The following RNF10 variants were observed in gnomAD, a reference collection of about 807,000 sequenced individuals.
RNF10 encodes E3 ubiquitin-protein ligase RNF10.
A neutral mutation model predicts 91.4 loss-of-function variants in RNF10; 38 were observed. The observed-to-expected ratio is 0.42, with a 90% confidence interval of 0.32 to 0.54. RNF10 has a LOEUF of 0.54. Among genes scored for constraint, RNF10 ranks in the 20% least tolerant of loss-of-function variants. The pLI is 0.16. For synonymous variants in RNF10, 364 were observed against 366.3 expected, an observed-to-expected ratio of 0.99 and a Z score of 0.07; for missense variants, 945 against 1,012.0, an observed-to-expected ratio of 0.93 and a Z score of 0.90.
At chr12:120,561,728 T>C (rs1714287144) in intron 7 of RNF10, among the ~76,000 whole-genome samples, 1 of 152,242 alleles carries the variant, frequency 6.6e-6, no homozygotes, top group African/African-American at 2.4e-5. Flanking sequence ...CCCTTCTCCC[T>C]GACTCCCAAG....
At chr12:120,545,770 C>T (rs1045370855) in intron 1 of RNF10, among the ~76,000 whole-genome samples, 1 of 152,170 alleles carries the variant, frequency 6.6e-6, no homozygotes, top group African/African-American at 2.4e-5. Flanking sequence ...AACTCCTGAC[C>T]TCAGGTGATC....
intron 1 of RNF10, chr12:120,539,483 T>C (rs1214070450): frequency 1.7e-6 from 2 of 1,206,714 alleles, no homozygotes; most frequent in East Asian, 1.1e-4. Flanking sequence ...GCAACTTGCT[T>C]GTGATTACAG....
intron 13 of RNF10, among the ~76,000 whole-genome samples, chr12:120,567,468 C>T (rs1249097105): frequency 3.3e-5 from 5 of 152,054 alleles, no homozygotes; most frequent in African/African-American, 4.8e-5. Context: ...TTTGGGAGGC[C>T]AAGGCGGGTG....
chr12:120,576,056 T>A, intron 16 of RNF10, 106 bp downstream of exon 16: 1 of 1,160,524 alleles, frequency 8.6e-7, no homozygotes, highest in Non-Finnish European at 1.3e-6. Flanking sequence ...CTCTTTCCCT[T>A]CTGAACCCTT....
chr12:120,540,734 T>C (rs1871423722), intron 1 of RNF10, among the ~76,000 whole-genome samples: 1 of 152,228 alleles, frequency 6.6e-6, no homozygotes, highest in Non-Finnish European at 1.5e-5. Context: ...GTTTTGGAAA[T>C]GAGCAGTTTA....
chr12:120,538,742 T>C lies in RNF10; in HGVS notation c.157+3774T>C, dbSNP rs7973558. Among the ~76,000 whole-genome samples, 359 of 152,284 alleles carry C rather than the reference T, an allele frequency of 2.4e-3. 4 individuals carry two copies. The highest frequency in any genetic ancestry group is 8.2e-3 in the African/African-American group (341 of 41,562). On this transcript the variant is annotated intron_variant, in intron 1 of 16. Coordinates refer to ENST00000325954, the MANE Select transcript of RNF10 (RefSeq NM_014868.5). ...CTCTTGTCCCATCCCCCTGGGCCGA[T>C]AGAACTGCCAGGGAGGTTAAGGGAA...
chr12:120,577,480 C>A lies in RNF10; in HGVS notation c.*814C>A. 1 of 240,044 alleles carries A rather than the reference C, an allele frequency of 4.2e-6. No homozygotes were observed. Among genetic ancestry groups the A allele is most frequent in the South Asian group, 4.0e-5 (1 of 24,796 alleles). 14.9% of individuals were successfully genotyped at this position (240,044 alleles called of 1,614,324 possible). Reference sequence around the variant, plus strand: ...CTCATCTAGAGCAGTTTTCTTATGCCTTGGTTTGAGCTGAATTTGATGTGA... The same window carrying A: ...CTCATCTAGAGCAGTTTTCTTATGCATTGGTTTGAGCTGAATTTGATGTGA... On this transcript the variant is annotated 3_prime_UTR_variant, in exon 17 of 17. Coordinates refer to ENST00000325954, the MANE Select transcript of RNF10 (RefSeq NM_014868.5).
Position 120,534,544 on chromosome 12 carries a change from C to A in RNF10, c.-268C>A. ...GCGCAACCTCCCTCGCCTCCCCTTC[C>A]CCCGCAGCCTCCGCCCCGCCAGGCC... On this transcript the variant is annotated 5_prime_UTR_variant, in exon 1 of 17. Coordinates refer to ENST00000325954, the MANE Select transcript of RNF10 (RefSeq NM_014868.5). The A allele has an allele frequency of 1.8e-6, 1 of 556,204 alleles. No homozygotes were observed. Among genetic ancestry groups the A allele is most frequent in the Non-Finnish European group, 2.6e-6 (1 of 384,160 alleles). 34.5% of individuals were successfully genotyped at this position (556,204 alleles called of 1,614,324 possible).
At chr12:120,568,510 C>G (rs1232382544) in intron 13 of RNF10, among the ~76,000 whole-genome samples, 1 of 148,358 alleles carries the variant, frequency 6.7e-6, no homozygotes, top group African/African-American at 2.5e-5. Flanking sequence ...GAGTCTAGCT[C>G]TGTCACCCAG....
At chr12:120,555,057 C>T (rs1873764492) in intron 4 of RNF10, among the ~76,000 whole-genome samples, 1 of 152,162 alleles carries the variant, frequency 6.6e-6, no homozygotes, top group Non-Finnish European at 1.5e-5. Context: ...AGTAGTAACC[C>T]CTTACCCTCC....
Position 120,557,456 on chromosome 12 carries a change from G to T in RNF10, c.820G>T (p.Asp274Tyr), listed in dbSNP as rs572209422. The T allele has an allele frequency of 1.2e-6, 2 of 1,613,952 alleles. No individual in the cohort carries two copies. The highest frequency in any genetic ancestry group is 1.7e-6 in the Non-Finnish European group (2 of 1,179,844). Reference protein sequence around the residue: ...PICYSSVHKKDLKSVVATESH... With the variant: ...PICYSSVHKKYLKSVVATESH... ...CTGTTACAGTTCTGTGCATAAGAAG[G>T]ATCTCAAGAGGTGAGATTGAGACAT... Residue 274 changes from aspartate (D) to tyrosine (Y), a missense_variant, in exon 5 of 17, where the codon GAT (aspartate) becomes TAT (tyrosine). Transcript: ENST00000325954.
intron 6 of RNF10, among the ~76,000 whole-genome samples, chr12:120,559,411 A>C (rs969079854): frequency 1.3e-5 from 2 of 150,138 alleles, no homozygotes; most frequent in African/African-American, 4.9e-5. Flanking sequence ...TTTGAGATGG[A>C]GTCTCACTCT....
At chr12:120,559,493 T>C (rs538223617) in intron 6 of RNF10, among the ~76,000 whole-genome samples, 149 of 152,222 alleles carry the variant, frequency 9.8e-4, no homozygotes, top group African/African-American at 3.5e-3. Flanking sequence ...CAAGAGATTC[T>C]CCTGCCTCAG....
chr12:120,535,430 C>T (rs1870611805), intron 1 of RNF10: 1 of 152,532 alleles, frequency 6.6e-6, no homozygotes, highest in Non-Finnish European at 1.5e-5. Context: ...AACCTGGTCC[C>T]AGATCCATTC....
In RNF10 at chr12:120,576,862, A is replaced by G; in HGVS notation, c.*196A>G. Reference sequence around the variant, plus strand: ...GTATTTTCCAGCTTCCTGTCTTTACACCAAAATAAAGTATTGACACAAGAG... The same window carrying G: ...GTATTTTCCAGCTTCCTGTCTTTACGCCAAAATAAAGTATTGACACAAGAG... On this transcript the variant is annotated 3_prime_UTR_variant, in exon 17 of 17. Coordinates refer to ENST00000325954, the MANE Select transcript of RNF10 (RefSeq NM_014868.5). 1 of 624,802 alleles carries G rather than the reference A, an allele frequency of 1.6e-6. No individual in the cohort carries two copies. The highest frequency in any genetic ancestry group is 1.9e-5 in the African/African-American group (1 of 53,844). 38.7% of individuals were successfully genotyped at this position (624,802 alleles called of 1,614,324 possible).
At position 120,565,224 on chromosome 12, in the gene RNF10, A is replaced by C. The variant is rs909409771; in HGVS notation, c.1783+35A>C. On this transcript the variant is annotated intron_variant, in intron 11 of 16. Coordinates refer to ENST00000325954, the MANE Select transcript of RNF10 (RefSeq NM_014868.5). ...CCCCTGCTCTGCTTCTCTTTATAGTAGGGTTCAGGGATTCTTGTGGCTAGA... is the reference window on the plus strand; with the variant it reads ...CCCCTGCTCTGCTTCTCTTTATAGTCGGGTTCAGGGATTCTTGTGGCTAGA... The C allele has an allele frequency of 3.5e-6, 5 of 1,434,904 alleles. No homozygotes were observed. The African/African-American group carries it at 7.0e-5, about 20-fold the overall frequency. The allele number at this position is 1,434,904 out of a possible 1,614,324, so 88.9% of individuals were successfully genotyped here. A position where few individuals can be genotyped will look rare whatever the true frequency, so the allele number is the denominator to read the frequency against.
intron 14 of RNF10, among the ~76,000 whole-genome samples, chr12:120,572,356 A>G (rs745875981): frequency 2.2e-4 from 34 of 151,846 alleles, no homozygotes; most frequent in Non-Finnish European, 2.6e-4. Flanking sequence ...ATGAGCCACC[A>G]TGCCCGGCCA....
intron 3 of RNF10, among the ~76,000 whole-genome samples, chr12:120,553,720 TAA>T (rs1435550795): frequency 1.3e-5 from 2 of 152,058 alleles, no homozygotes; most frequent in African/African-American, 4.8e-5. Context: ...GAAAATTTCT[TAA>T]GAGACAATTG....
At chr12:120,575,517 C>A (rs1218625654) in intron 14 of RNF10, 114 bp from the exon 15 acceptor site, 4 of 1,128,558 alleles carry the variant, frequency 3.5e-6, no homozygotes, top group African/African-American at 3.1e-5. Flanking sequence ...CCTGGAAAAT[C>A]TTTTCAAAGG....
Sources: gnomAD v4.1 joint callset for allele counts (sites outside exome capture counted in the v4.1 genomes callset) on GRCh38, gnomAD v4.1.1 for gene constraint, MANE v1.5 for transcripts, NCBI Gene and HGNC (gene_info 2026-07-23, HGNC 2026-07-21) for gene names.